Variants in PBX1 observed in about 807,000 individuals in gnomAD.
PBX1 encodes PBX homeobox 1, also known as pre-B-cell leukemia transcription factor 1.
A neutral mutation model predicts 53.4 loss-of-function variants in PBX1; 6 were observed. That is an observed-to-expected ratio of 0.11 (90% CI 0.06 to 0.22). The LOEUF is 0.22. Among genes scored for constraint, PBX1 ranks in the 10% least tolerant of loss-of-function variants. PBX1 has a pLI of 1.00. For missense variants in PBX1, 251 were observed against 551.4 expected (o/e 0.46, Z 5.46); for synonymous variants, 204 against 212.3 (o/e 0.96, Z 0.34).
chr1:164,573,008 C>T (rs75518954), intron 2 of PBX1, among the ~76,000 whole-genome samples: 4,938 of 152,166 alleles, frequency 0.032, 99 homozygotes, highest in Non-Finnish European at 0.054. Context: ...TTCACACCCC[C>T]CTCCCCTACT....
At chr1:164,600,574 G>T (rs1656101426) in intron 2 of PBX1, among the ~76,000 whole-genome samples, 1 of 152,158 alleles carries the variant, frequency 6.6e-6, no homozygotes, top group African/African-American at 2.4e-5. Flanking sequence ...ACTAAAGTCT[G>T]CCTGCATTCC....
At chr1:164,629,845 A>G (rs953230392) in intron 2 of PBX1, among the ~76,000 whole-genome samples, 2 of 152,164 alleles carry the variant, frequency 1.3e-5, no homozygotes, top group Non-Finnish European at 2.9e-5. Flanking sequence ...CAATTCTTTG[A>G]TCAAAGGTAG....
chr1:164,841,546 T>C (rs2102410129), intron 8 of PBX1, among the ~76,000 whole-genome samples: 1 of 152,266 alleles, frequency 6.6e-6, no homozygotes, highest in South Asian at 2.1e-4. Context: ...CCTGGATCTC[T>C]TTTCCACTGT....
intron 5 of PBX1, 95 bp downstream of exon 5, chr1:164,807,772 C>G: frequency 1.5e-6 from 2 of 1,371,822 alleles, no homozygotes; most frequent in Non-Finnish European, 2.0e-6. Flanking sequence ...GACATTCATG[C>G]CTTGCAAGTT....
At chr1:164,687,930 C>G (rs1162287371) in intron 2 of PBX1, among the ~76,000 whole-genome samples, 1 of 152,188 alleles carries the variant, frequency 6.6e-6, no homozygotes, top group Non-Finnish European at 1.5e-5. Context: ...ATCTTGCTAA[C>G]TCTCCCCAGC....
At chr1:164,615,195 G>C (rs1489843876) in intron 2 of PBX1, among the ~76,000 whole-genome samples, 4 of 152,152 alleles carry the variant, frequency 2.6e-5, no homozygotes, top group Admixed American at 6.5e-5. Flanking sequence ...TCTCCATATA[G>C]TAGCTTATTT....
At chr1:164,568,811 G>A (rs1465444401) in intron 2 of PBX1, among the ~76,000 whole-genome samples, 2 of 152,258 alleles carry the variant, frequency 1.3e-5, no homozygotes, top group African/African-American at 2.4e-5. Flanking sequence ...GGCACTTCTC[G>A]GAACTTAGCA....
intron 2 of PBX1, among the ~76,000 whole-genome samples, chr1:164,734,197 C>T (rs777512747): frequency 5.1e-4 from 77 of 152,160 alleles, no homozygotes; most frequent in African/African-American, 1.8e-3. Flanking sequence ...GAGTTATCTC[C>T]TTTCTCATTT....
intron 2 of PBX1, among the ~76,000 whole-genome samples, chr1:164,613,770 C>G (rs560241308): frequency 6.6e-6 from 1 of 151,992 alleles, no homozygotes; most frequent in Non-Finnish European, 1.5e-5. Context: ...GAGGTAGAAA[C>G]GAAGAAATCT....
downstream of PBX1, among the ~76,000 whole-genome samples, chr1:164,855,096 G>T (rs911047015): frequency 6.6e-6 from 1 of 151,900 alleles, no homozygotes; most frequent in Non-Finnish European, 1.5e-5. Flanking sequence ...CTTCAGGCAT[G>T]CACCATACCC....
At chr1:164,691,533 T>G (rs116451254) in intron 2 of PBX1, among the ~76,000 whole-genome samples, 1 of 152,176 alleles carries the variant, frequency 6.6e-6, no homozygotes, top group Non-Finnish European at 1.5e-5. Flanking sequence ...CAAGAACTTA[T>G]AGACAGACCC....
intron 2 of PBX1, among the ~76,000 whole-genome samples, chr1:164,873,352 G>A (rs554387998): frequency 6.6e-6 from 1 of 152,296 alleles, no homozygotes; most frequent in African/African-American, 2.4e-5. Flanking sequence ...AAGAAGTAGA[G>A]GACTGTTTGT....
chr1:164,704,149 C>T (rs80198658), intron 2 of PBX1, among the ~76,000 whole-genome samples: 3,105 of 152,228 alleles, frequency 0.02, 99 homozygotes, highest in African/African-American at 0.072. Context: ...GTCTTGCTTT[C>T]GCTGACAGTA....
chr1:164,559,290 C>T lies in PBX1; in HGVS notation c.-533C>T, dbSNP rs1176811811. 1 of 190,142 alleles carries T rather than the reference C, an allele frequency of 5.3e-6. No individual in the cohort carries two copies. Among genetic ancestry groups the T allele is most frequent in the Non-Finnish European group, 1.1e-5 (1 of 92,264 alleles). The allele number at this position is 190,142 out of a possible 1,614,324, so 11.8% of individuals were successfully genotyped here. ...GCGGCTGGGGGAGATCTGGCTTTTGCAACAGCCCACCCCCTTTGAGATCAC... is the reference window on the plus strand; with the variant it reads ...GCGGCTGGGGGAGATCTGGCTTTTGTAACAGCCCACCCCCTTTGAGATCAC... On this transcript the variant is annotated 5_prime_UTR_variant, in exon 1 of 9. Transcript: ENST00000420696.
chr1:164,756,377 TG>T (rs374903926), intron 2 of PBX1, among the ~76,000 whole-genome samples: 20 of 152,314 alleles, frequency 1.3e-4, no homozygotes, highest in African/African-American at 4.8e-4. Flanking sequence ...TCCTTTAATT[TG>T]GGCATTGCGA....
At chr1:164,869,564 T>A (rs1287636273) in intron 2 of PBX1, among the ~76,000 whole-genome samples, 1 of 152,194 alleles carries the variant, frequency 6.6e-6, no homozygotes, top group Non-Finnish European at 1.5e-5. Flanking sequence ...ACCTTCTATG[T>A]GCCAGGCTCG....
intron 2 of PBX1, among the ~76,000 whole-genome samples, chr1:164,872,245 T>C (rs1448282403): frequency 2.0e-5 from 3 of 152,222 alleles, no homozygotes; most frequent in African/African-American, 7.2e-5. Context: ...ACCATTCCAG[T>C]GGTGGGGAGT....
chr1:164,743,769 A>AAAGG (rs1411221201), intron 2 of PBX1, among the ~76,000 whole-genome samples: 21 of 152,322 alleles, frequency 1.4e-4, no homozygotes, highest in Admixed American at 9.2e-4. Flanking sequence ...TTCCAGGCAA[A>AAAGG]AAGGAAGGAA....
At chr1:164,874,598 G>A (rs1297620938) in intron 2 of PBX1, among the ~76,000 whole-genome samples, 6 of 152,086 alleles carry the variant, frequency 3.9e-5, no homozygotes, top group Admixed American at 1.3e-4. Context: ...GGGTTCAAGC[G>A]ATTCTCATGC....
Sources: allele counts gnomAD v4.1 joint callset (sites outside exome capture counted in the v4.1 genomes callset), GRCh38; gene constraint gnomAD v4.1.1; transcripts MANE v1.5; gene names NCBI Gene and HGNC (gene_info 2026-07-23, HGNC 2026-07-21).